Variants in SND1 observed in about 807,000 individuals in gnomAD.
The protein encoded by SND1 is staphylococcal nuclease and tudor domain containing 1, also known as staphylococcal nuclease domain-containing protein 1.
Under a neutral mutation model 121.7 loss-of-function variants are expected in SND1, and 38 were observed. The observed-to-expected ratio is 0.31, with a 90% CI of 0.24 to 0.41. The LOEUF (loss-of-function observed/expected upper bound fraction) is 0.41, where lower values mean the gene tolerates loss of function less well. SND1 is among the 10% of genes least tolerant of loss of function. The probability of loss-of-function intolerance (pLI) is 1.00; values close to 1 mark genes in which losing one functional copy is unlikely to be tolerated. For missense variants in SND1, 868 were observed against 1,184.6 expected (o/e 0.73, Z 3.92); for synonymous variants, 401 against 447.4 (o/e 0.90, Z 1.31).
chr7:128,042,066 A>G (rs117123883), intron 16 of SND1, among the ~76,000 whole-genome samples: 3,250 of 152,254 alleles, frequency 0.021, 51 homozygotes, highest in Non-Finnish European at 0.032. Context: ...CCTGGCTAGA[A>G]GAGCTCTCAT....
intron 16 of SND1, among the ~76,000 whole-genome samples, chr7:127,992,292 G>A (rs1387748936): frequency 6.6e-6 from 1 of 152,094 alleles, no homozygotes; most frequent in Admixed American, 6.5e-5. Context: ...ACACAATGCT[G>A]CCTGAATTTT....
chr7:128,011,236 G>A (rs1040894538), intron 16 of SND1, among the ~76,000 whole-genome samples: 15 of 152,146 alleles, frequency 9.9e-5, no homozygotes, highest in Non-Finnish European at 1.6e-4. Context: ...GCTAGAAATA[G>A]AGTGGAGGAA....
chr7:127,701,676 C>G (rs528606664), intron 5 of SND1, among the ~76,000 whole-genome samples: 2 of 152,116 alleles, frequency 1.3e-5, no homozygotes, highest in African/African-American at 4.8e-5. Context: ...TAAACAGATA[C>G]GGTCATGCTT....
intron 16 of SND1, among the ~76,000 whole-genome samples, chr7:128,049,482 CTTCCT>C (rs1053951439): frequency 2.6e-5 from 4 of 152,306 alleles, no homozygotes; most frequent in Admixed American, 2.6e-4. Context: ...AGTTCCCCCT[CTTCCT>C]TTCCTTTCCT....
intron 15 of SND1, among the ~76,000 whole-genome samples, chr7:127,984,240 C>T (rs1472947207): frequency 1.4e-4 from 21 of 152,336 alleles, no homozygotes; most frequent in Non-Finnish European, 7.3e-5. Context: ...CTGCTATGCT[C>T]CAGCCTCAGG....
At chr7:127,789,087 T>C (rs1797864703) in intron 10 of SND1, among the ~76,000 whole-genome samples, 1 of 152,222 alleles carries the variant, frequency 6.6e-6, no homozygotes, top group Admixed American at 6.5e-5. Context: ...CCTGAAAGAC[T>C]TCACACTTGC....
intron 13 of SND1, among the ~76,000 whole-genome samples, chr7:127,888,683 G>A (rs1799955117): frequency 6.6e-6 from 1 of 152,080 alleles, no homozygotes; most frequent in South Asian, 2.1e-4. Flanking sequence ...CAGACTTCCT[G>A]GGAAACAGAG....
chr7:127,807,621 C>T, intron 11 of SND1, 48 bp downstream of exon 11: 1 of 1,466,600 alleles, frequency 6.8e-7, no homozygotes, highest in South Asian at 1.1e-5. Context: ...TGGGCTTAAG[C>T]TAATCTTTTG....
chr7:127,988,213 C>G (rs963925254), intron 15 of SND1, among the ~76,000 whole-genome samples: 4 of 152,206 alleles, frequency 2.6e-5, no homozygotes, highest in African/African-American at 7.2e-5. Context: ...TTCTAATACT[C>G]AGACATTCAG....
Position 127,981,272 on chromosome 7 carries a change from G to GA in SND1, c.1670-9663dup, listed in dbSNP as rs1211346077. Among the ~76,000 whole-genome samples, 762 of 147,672 alleles carry GA rather than the reference G, an allele frequency of 5.2e-3. 12 individuals are homozygous for GA. The highest frequency in any genetic ancestry group is 0.028 in the East Asian group (141 of 5,106). The stretch of plus-strand genomic sequence containing the variant: ...GTATGGATAATAAAGAGAAACCCAG[G>GA]AAAAAAAAAAAATTTTTGAAAGGCA... On this transcript the variant is annotated intron_variant, in intron 15 of 23. Transcript: ENST00000354725.
chr7:127,730,033 G>A (rs1220076415), intron 10 of SND1, among the ~76,000 whole-genome samples: 1 of 151,992 alleles, frequency 6.6e-6, no homozygotes, highest in African/African-American at 2.4e-5. Context: ...TGGCGATCTC[G>A]GGTCACCACA....
At chr7:127,934,695 A>G (rs1417557727) in intron 15 of SND1, among the ~76,000 whole-genome samples, 1 of 152,134 alleles carries the variant, frequency 6.6e-6, no homozygotes, top group Admixed American at 6.5e-5. Context: ...CACAATTAAG[A>G]GCAACACAAA....
rs1336687231 is a variant in SND1 at position 128,076,855 on chromosome 7, C to T, written c.1968+2165C>T. On this transcript the variant is annotated intron_variant, in intron 17 of 23. Coordinates refer to ENST00000354725, the MANE Select transcript of SND1 (RefSeq NM_014390.4). ...GGGGGAATCTGAGAATGCTGGTTTC[C>T]CAGCTACGAAGGCTTAACTACCTCC... is the stretch of plus-strand genomic sequence containing the variant. Among the ~76,000 whole-genome samples, 5 of 152,144 alleles carry T rather than the reference C, an allele frequency of 3.3e-5. No homozygotes were observed. In the East Asian group the frequency reaches 9.6e-4, roughly 29 times the overall value.
At chr7:127,810,130 G>A (rs1396630363) in intron 11 of SND1, among the ~76,000 whole-genome samples, 1 of 152,190 alleles carries the variant, frequency 6.6e-6, no homozygotes, top group Non-Finnish European at 1.5e-5. Flanking sequence ...CTGAGGTTAT[G>A]AGAAGTGCAT....
At chr7:127,840,846 A>G (rs1233532296) in intron 11 of SND1, among the ~76,000 whole-genome samples, 2 of 152,044 alleles carry the variant, frequency 1.3e-5, no homozygotes, top group Non-Finnish European at 2.9e-5. Flanking sequence ...TGTATTTCAG[A>G]TTTTCTTTAA....
chr7:127,734,000 A>G (rs955319493), intron 10 of SND1, among the ~76,000 whole-genome samples: 1 of 152,036 alleles, frequency 6.6e-6, no homozygotes, highest in Non-Finnish European at 1.5e-5. Context: ...ATTGCCAGGT[A>G]TCTCTACTGC....
intron 1 of SND1, among the ~76,000 whole-genome samples, chr7:127,661,376 A>G (rs3808107): frequency 0.33 from 50,093 of 152,100 alleles, 9,117 homozygotes; most frequent in Admixed American, 0.42. Flanking sequence ...GGCACCAATA[A>G]CTTGGCACAT....
In SND1 at chr7:127,701,237, A is replaced by G; in HGVS notation, c.503A>G (p.Asn168Ser). Residue 168 changes from asparagine to serine, a missense_variant, in exon 5 of 24, where the codon AAC becomes AGC. Asn to Ser is a conservative substitution (Grantham distance 46, BLOSUM62 1). Transcript: ENST00000354725. ...AAKKGMWSEG[N>S]GSHTIRDLKY... is the part of the protein sequence containing the mutation. ...AAGAAAGGGATGTGGAGTGAGGGGA[A>G]CGGTTCACATACTATCCGGGATCTC... The G allele has an allele frequency of 1.2e-6, 2 of 1,614,066 alleles. No individual in the cohort carries two copies.
rs1350470753 is a variant in SND1, at chr7:128,065,909, GC to G, written c.1780-8588del. 3.3e-5 allele frequency among the ~76,000 whole-genome samples: 5 copies of G among 152,294 alleles called. No homozygotes were observed. In the South Asian group the frequency reaches 1.0e-3, roughly 32 times the overall value. The stretch of plus-strand genomic sequence containing the variant: ...AAGATGGGTCCGGGACAGAATGAGG[GC>G]CCCCTGATTCTAGCCACATCCCTGG... On this transcript the variant is annotated intron_variant, in intron 16 of 23. Coordinates refer to ENST00000354725, the MANE Select transcript of SND1 (RefSeq NM_014390.4).
Sources: allele counts gnomAD v4.1 joint callset (sites outside exome capture counted in the v4.1 genomes callset), GRCh38; gene constraint gnomAD v4.1.1; transcripts MANE v1.5; gene names NCBI Gene and HGNC (gene_info 2026-07-23, HGNC 2026-07-21).